FSIP1: variants seen among roughly 807,000 people sequenced by gnomAD.
The protein encoded by FSIP1 is fibrous sheath interacting protein 1.
Under a neutral mutation model 60.9 loss-of-function variants are expected in FSIP1, and 65 were observed. That is an observed-to-expected ratio of 1.07 (90% confidence interval 0.87 to 1.31). FSIP1 has a LOEUF of 1.31. Ranked by LOEUF, FSIP1 falls within the 40% of genes most tolerant of loss-of-function variation. The pLI is 0.00. For synonymous variants in FSIP1, 209 were observed against 221.2 expected (o/e 0.94, Z 0.49); for missense variants, 675 against 665.5 (o/e 1.01, Z -0.16).
At chr15:39,675,881 T>G (rs1436359055) in intron 10 of FSIP1, among the ~76,000 whole-genome samples, 1 of 152,014 alleles carries the variant, frequency 6.6e-6, no homozygotes, top group Non-Finnish European at 1.5e-5. Flanking sequence ...TTATTAGGAA[T>G]AGTTTGCCTG....
intron 10 of FSIP1, among the ~76,000 whole-genome samples, chr15:39,685,390 T>A (rs1291253304): frequency 6.6e-6 from 1 of 152,198 alleles, no homozygotes; most frequent in Non-Finnish European, 1.5e-5. Context: ...GGGAAAATTA[T>A]TTTATATCTC....
chr15:39,693,158 C>T lies in FSIP1; in HGVS notation c.1188+20286G>A, dbSNP rs74665524. On this transcript the variant is annotated intron_variant, in intron 10 of 11. Transcript: ENST00000350221. ...AAAGTGCATTCATGTTATTACTAGT[C>T]GGGAATTTTTAACAGTCTTGCACTG... Among the ~76,000 whole-genome samples the T allele has an allele frequency of 0.012, 1,792 of 152,252 alleles. 82 individuals are homozygous for T. The East Asian group carries it at 0.15, about 13-fold the overall frequency.
intron 10 of FSIP1, among the ~76,000 whole-genome samples, chr15:39,697,754 G>A (rs781622098): frequency 7.9e-5 from 12 of 152,064 alleles, no homozygotes; most frequent in Non-Finnish European, 1.0e-4. Flanking sequence ...GAAATTGAGC[G>A]TATTCTTTCT....
intron 3 of FSIP1, among the ~76,000 whole-genome samples, chr15:39,768,389 G>C (rs1027198058): frequency 1.3e-5 from 2 of 152,082 alleles, no homozygotes; most frequent in African/African-American, 4.8e-5. Context: ...TATTGATAAT[G>C]AACATATTAG....
rs535114672 is a variant in FSIP1, at chr15:39,662,845, T to C, written c.1189-44600A>G. Among the ~76,000 whole-genome samples the C allele has an allele frequency of 3.3e-5, 5 of 152,310 alleles. No homozygotes were observed. In the South Asian group the frequency reaches 1.0e-3, roughly 32 times the overall value. ...TCAGGAAAGGCAAACAATTCACTTC[T>C]AATTGCATATATAAACGAATATAAT... On this transcript the variant is annotated intron_variant, in intron 10 of 11. Coordinates refer to ENST00000350221, the MANE Select transcript of FSIP1 (RefSeq NM_152597.5).
chr15:39,602,739 C>A (rs1398031346), intron 11 of FSIP1, among the ~76,000 whole-genome samples: 1 of 152,022 alleles, frequency 6.6e-6, no homozygotes, highest in Non-Finnish European at 1.5e-5. Context: ...TTTTGCCCAC[C>A]CAGCAAATAA....
At chr15:39,678,069 C>T (rs1389603551) in intron 10 of FSIP1, among the ~76,000 whole-genome samples, 1 of 151,410 alleles carries the variant, frequency 6.6e-6, no homozygotes, top group Non-Finnish European at 1.5e-5. Context: ...ATAATATGTC[C>T]AGTATATTTA....
intron 5 of FSIP1, among the ~76,000 whole-genome samples, chr15:39,753,689 G>T (rs1433661763): frequency 6.6e-6 from 1 of 151,556 alleles, no homozygotes; most frequent in Non-Finnish European, 1.5e-5. Context: ...AGTTCTTACA[G>T]CTCTCAGCAT....
At chr15:39,632,728 G>A (rs1891950789) in intron 10 of FSIP1, among the ~76,000 whole-genome samples, 2 of 152,136 alleles carry the variant, frequency 1.3e-5, no homozygotes, top group South Asian at 4.1e-4. Context: ...GGGAGTCAGA[G>A]GTTGCAGTGA....
intron 10 of FSIP1, among the ~76,000 whole-genome samples, chr15:39,633,727 C>T (rs1164886516): frequency 1.3e-5 from 2 of 152,130 alleles, no homozygotes; most frequent in Admixed American, 6.5e-5. Context: ...CCATCACATA[C>T]TATTATTCTA....
chr15:39,713,849 G>C (rs1322000345), intron 9 of FSIP1, among the ~76,000 whole-genome samples: 3 of 152,216 alleles, frequency 2.0e-5, no homozygotes, highest in African/African-American at 7.2e-5. Flanking sequence ...CCAGGAAACA[G>C]GAACCTGGGT....
At chr15:39,604,898 C>T (rs1176544283) in intron 11 of FSIP1, among the ~76,000 whole-genome samples, 1 of 152,196 alleles carries the variant, frequency 6.6e-6, no homozygotes, top group Non-Finnish European at 1.5e-5. Flanking sequence ...TCTCACCGCT[C>T]TCCTGCAAAC....
At chr15:39,669,195 T>C (rs953429531) in intron 10 of FSIP1, among the ~76,000 whole-genome samples, 2 of 152,150 alleles carry the variant, frequency 1.3e-5, no homozygotes, top group South Asian at 2.1e-4. Flanking sequence ...AGGTGGCCCA[T>C]ATTCAGTCCC....
intron 10 of FSIP1, among the ~76,000 whole-genome samples, chr15:39,686,477 T>A (rs932569287): frequency 1.3e-5 from 2 of 152,294 alleles, no homozygotes; most frequent in African/African-American, 4.8e-5. Context: ...TATCGCCCCT[T>A]GGCAATGCAT....
At chr15:39,666,567 G>A (rs1054880823) in intron 10 of FSIP1, among the ~76,000 whole-genome samples, 4 of 152,156 alleles carry the variant, frequency 2.6e-5, no homozygotes, top group African/African-American at 4.8e-5. Context: ...AAATAAAACA[G>A]AATGACAAAA....
intron 8 of FSIP1, among the ~76,000 whole-genome samples, chr15:39,735,052 G>T (rs560459401): frequency 2.0e-5 from 3 of 152,140 alleles, no homozygotes; most frequent in Non-Finnish European, 4.4e-5. Context: ...AGTTTGATAC[G>T]CAGTGAGACC....
intron 10 of FSIP1, among the ~76,000 whole-genome samples, chr15:39,702,056 T>C (rs1895081658): frequency 6.6e-6 from 1 of 152,158 alleles, no homozygotes; most frequent in Non-Finnish European, 1.5e-5. Context: ...GGCTTATCGT[T>C]GGTAACTCTC....
Position 39,602,289 on chromosome 15 carries a change from A to G in FSIP1, c.1700-1363T>C, listed in dbSNP as rs79063071. The G allele has an allele frequency of 1.3e-3, 614 of 455,704 alleles. 5 individuals carry two copies. The East Asian group carries it at 0.03, about 22-fold the overall frequency. The allele number at this position is 455,704 out of a possible 1,614,324, so 28.2% of individuals were successfully genotyped here. ...GAGTGACGTGGCCACAAAGCCAGGA[A>G]TGCCCATAGCCAGGAGAAGCTGGAA... is the stretch of plus-strand genomic sequence containing the variant. On this transcript the variant is annotated intron_variant, in intron 11 of 11. Coordinates refer to ENST00000350221, the MANE Select transcript of FSIP1 (RefSeq NM_152597.5).
chr15:39,769,739 G>A (rs1388786853), intron 3 of FSIP1, among the ~76,000 whole-genome samples: 2 of 152,262 alleles, frequency 1.3e-5, no homozygotes, highest in South Asian at 2.1e-4. Flanking sequence ...TTTCCTGCCA[G>A]TGCCTGGTTG....
Sources: gnomAD v4.1 joint callset for allele counts (sites outside exome capture counted in the v4.1 genomes callset) on GRCh38, gnomAD v4.1.1 for gene constraint, MANE v1.5 for transcripts, NCBI Gene and HGNC (gene_info 2026-07-23, HGNC 2026-07-21) for gene names.